Variants in NXPE2 observed in about 807,000 individuals in gnomAD.
The protein encoded by NXPE2 is NXPE family member 2.
A neutral mutation model predicts 34.4 loss-of-function variants in NXPE2; 34 were observed. The observed-to-expected ratio is 0.99, with a 90% CI of 0.75 to 1.31. NXPE2 has a LOEUF of 1.31. Among genes scored for constraint, NXPE2 ranks in the 40% most tolerant of loss-of-function variants. NXPE2 has a pLI of 0.00. For missense variants in NXPE2, 649 were observed against 672.5 expected (o/e 0.97, Z 0.39); for synonymous variants, 235 against 231.3 (o/e 1.02, Z -0.15).
At chr11:114,778,233 C>T in the NXPE2 span, among the ~76,000 whole-genome samples, 1 of 152,078 alleles carries the variant, frequency 6.6e-6, no homozygotes, top group Non-Finnish European at 1.5e-5. Flanking sequence ...GTGTCCCAAA[C>T]AGAAGGAACA....
chr11:114,522,641 C>A, the NXPE2 span: 189 of 760,508 alleles, frequency 2.5e-4, no homozygotes, highest in African/African-American at 2.9e-3. Flanking sequence ...GGGTACAGTA[C>A]CCCCAGTTCA....
chr11:114,522,037 A>G, the NXPE2 span: 1 of 1,613,946 alleles, frequency 6.2e-7, no homozygotes, highest in Non-Finnish European at 8.5e-7. Context: ...GGATAGTGTC[A>G]GTGCCATATG....
At chr11:114,582,547 G>T in the NXPE2 span, 6 of 1,614,152 alleles carry the variant, frequency 3.7e-6, no homozygotes, top group Non-Finnish European at 5.1e-6. Context: ...GCACTCCAGA[G>T]AGCTGACACC....
At chr11:114,553,210 T>G in the NXPE2 span, among the ~76,000 whole-genome samples, 1 of 152,218 alleles carries the variant, frequency 6.6e-6, no homozygotes, top group African/African-American at 2.4e-5. Flanking sequence ...ATGCATATCT[T>G]TGTAATAATA....
chr11:114,667,711 A>C, the NXPE2 span, among the ~76,000 whole-genome samples: 1 of 152,092 alleles, frequency 6.6e-6, no homozygotes, highest in African/African-American at 2.4e-5. Flanking sequence ...GACAGCAAAG[A>C]ACTGAGGCCT....
the NXPE2 span, among the ~76,000 whole-genome samples, chr11:114,746,247 C>A: frequency 6.6e-6 from 1 of 151,952 alleles, no homozygotes; most frequent in Admixed American, 6.6e-5. Context: ...AAGGGGCATC[C>A]CTACTATGCA....
Position 114,698,460 on chromosome 11 carries a change from G to T in NXPE2, c.548G>T (p.Trp183Leu). 1 of 1,613,966 alleles carries T rather than the reference G, an allele frequency of 6.2e-7. No homozygotes were observed. ...TACCTGGTCAGCTTCACTCTGTTCT[G>T]GGAGGGCCAGGTTTCCCTGTCTCTG... is the stretch of plus-strand genomic sequence containing the variant. ...GTYLVSFTLF[W>L]EGQVSLSLLL... Residue 183 changes from tryptophan to leucine, a missense_variant, in exon 3 of 6, where the codon TGG becomes TTG. Coordinates refer to ENST00000389586, the MANE Select transcript of NXPE2 (RefSeq NM_182495.6).
At chr11:114,658,147 A>G in the NXPE2 span, among the ~76,000 whole-genome samples, 1 of 152,196 alleles carries the variant, frequency 6.6e-6, no homozygotes, top group African/African-American at 2.4e-5. Flanking sequence ...AATAACTTTC[A>G]TTTAACTTAT....
chr11:114,617,635 A>G, the NXPE2 span, among the ~76,000 whole-genome samples: 1,550 of 149,332 alleles, frequency 0.01, 21 homozygotes, highest in African/African-American at 0.036. Context: ...CTGTTACCCA[A>G]TGGATAATAA....
the NXPE2 span, among the ~76,000 whole-genome samples, chr11:114,644,851 G>C: frequency 6.6e-6 from 1 of 151,926 alleles, no homozygotes; most frequent in Non-Finnish European, 1.5e-5. Flanking sequence ...AATTAAGACA[G>C]TGTAGCATTT....
the NXPE2 span, among the ~76,000 whole-genome samples, chr11:114,773,479 C>T: frequency 1.3e-5 from 2 of 152,100 alleles, no homozygotes; most frequent in Non-Finnish European, 2.9e-5. Flanking sequence ...GTCTGCAATA[C>T]TTGCCCCCCA....
chr11:114,755,256 G>C, the NXPE2 span, among the ~76,000 whole-genome samples: 3,960 of 152,234 alleles, frequency 0.026, 175 homozygotes, highest in African/African-American at 0.09. Context: ...CCCATAGGCT[G>C]TGTGGGGGAT....
chr11:114,717,720 T>TC, the NXPE2 span, among the ~76,000 whole-genome samples: 1 of 152,088 alleles, frequency 6.6e-6, no homozygotes, highest in African/African-American at 2.4e-5. Context: ...TCTTCCCACT[T>TC]CCCCCCACTG....
At chr11:114,584,204 C>T in the NXPE2 span, 8 of 367,336 alleles carry the variant, frequency 2.2e-5, no homozygotes, top group African/African-American at 1.7e-4. Context: ...TAAGAAAGAG[C>T]TGTGGCTCTG....
the NXPE2 span, among the ~76,000 whole-genome samples, chr11:114,782,147 G>T: frequency 6.6e-6 from 1 of 152,130 alleles, no homozygotes; most frequent in East Asian, 1.9e-4. Flanking sequence ...GGGAATAATG[G>T]CAAGAAAAAG....
At chr11:114,543,825 G>T in the NXPE2 span, among the ~76,000 whole-genome samples, 1 of 152,196 alleles carries the variant, frequency 6.6e-6, no homozygotes, top group Admixed American at 6.5e-5. Flanking sequence ...GACTGTCTAC[G>T]TAGAATCTAC....
chr11:114,549,520 G>A, the NXPE2 span, among the ~76,000 whole-genome samples: 1 of 151,940 alleles, frequency 6.6e-6, no homozygotes, highest in African/African-American at 2.4e-5. Flanking sequence ...AAGCACAATA[G>A]GACTTTGACA....
chr11:114,702,965 C>T (rs573216128), intron 3 of NXPE2, among the ~76,000 whole-genome samples: 1 of 152,258 alleles, frequency 6.6e-6, no homozygotes, highest in East Asian at 1.9e-4. Flanking sequence ...GCCTACCTTC[C>T]CCCAGATGGA....
At chr11:114,795,699 C>T in the NXPE2 span, among the ~76,000 whole-genome samples, 4 of 152,196 alleles carry the variant, frequency 2.6e-5, no homozygotes, top group African/African-American at 9.6e-5. Flanking sequence ...TAGGATGGTG[C>T]CCTTGCTGGC....
Sources: allele counts gnomAD v4.1 joint callset (sites outside exome capture counted in the v4.1 genomes callset), GRCh38; gene constraint gnomAD v4.1.1; transcripts MANE v1.5; gene names NCBI Gene and HGNC (gene_info 2026-07-23, HGNC 2026-07-21).